The following CSMD1 variants were observed in gnomAD, a reference collection of about 807,000 sequenced individuals.
CSMD1 encodes CUB and sushi domain-containing protein 1.
In CSMD1, 213 loss-of-function variants were observed where a neutral mutation model predicts 417.5. The observed-to-expected ratio is 0.51, with a 90% CI of 0.46 to 0.57. The LOEUF is 0.57. Ranked by LOEUF, CSMD1 falls within the 20% of genes least tolerant of loss-of-function variation. The probability of loss-of-function intolerance (pLI) is 0.00; values close to 1 mark genes in which losing one functional copy is unlikely to be tolerated. For synonymous variants in CSMD1, 2,862 were observed against 1,736.8 expected, an observed-to-expected ratio of 1.65 and a Z score of -16.11; for missense variants, 6,923 against 4,529.7, an observed-to-expected ratio of 1.53 and a Z score of -15.17.
At chr8:3,626,725 T>G (rs1796508791) in intron 7 of CSMD1, among the ~76,000 whole-genome samples, 1 of 151,038 alleles carries the variant, frequency 6.6e-6, no homozygotes, top group Admixed American at 6.6e-5. Context: ...ATGTAATTTA[T>G]GGACATATTT....
intron 1 of CSMD1, among the ~76,000 whole-genome samples, chr8:4,862,986 C>G (rs1393377844): frequency 6.6e-6 from 1 of 151,964 alleles, no homozygotes; most frequent in East Asian, 1.9e-4. Context: ...AAGAGGGAAC[C>G]AGCAAATACC....
intron 49 of CSMD1, among the ~76,000 whole-genome samples, chr8:3,073,631 G>C (rs1476730851): frequency 6.6e-6 from 1 of 152,092 alleles, no homozygotes; most frequent in East Asian, 1.9e-4. Flanking sequence ...TAAAGATTAA[G>C]ATGTTTCAAT....
chr8:3,268,102 C>T (rs1470718533), intron 26 of CSMD1, among the ~76,000 whole-genome samples: 1 of 151,752 alleles, frequency 6.6e-6, no homozygotes, highest in African/African-American at 2.4e-5. Context: ...ACTCAGGGCA[C>T]AATAGGAAGA....
At position 4,822,022 on chromosome 8, in the gene CSMD1, C is replaced by T. The variant is rs117643949; in HGVS notation, c.85+172310G>A. Among the ~76,000 whole-genome samples, 509 of 152,208 alleles carry T rather than the reference C, an allele frequency of 3.3e-3. 2 individuals are homozygous for T. Among genetic ancestry groups the T allele is most frequent in the South Asian group, 5.6e-3 (27 of 4,820 alleles). On this transcript the variant is annotated intron_variant, in intron 1 of 69. Coordinates refer to ENST00000635120, the MANE Select transcript of CSMD1 (RefSeq NM_033225.6). ...GCAATGACTTCTGATGTCATCACTA[C>T]TATGGGAATTATTACATTCCCTCTT... is the stretch of plus-strand genomic sequence containing the variant.
chr8:3,123,462 C>T (rs921456366), intron 41 of CSMD1, among the ~76,000 whole-genome samples: 2 of 152,226 alleles, frequency 1.3e-5, no homozygotes, highest in African/African-American at 2.4e-5. Context: ...TGAGTTTCAA[C>T]TATCAACACA....
intron 2 of CSMD1, among the ~76,000 whole-genome samples, chr8:4,430,558 C>A (rs941764846): frequency 6.6e-6 from 1 of 152,074 alleles, no homozygotes; most frequent in Non-Finnish European, 1.5e-5. Flanking sequence ...ATAAAAGTTA[C>A]TCTGGGGAAG....
intron 3 of CSMD1, among the ~76,000 whole-genome samples, chr8:4,269,895 G>T (rs571507333): frequency 6.6e-6 from 1 of 152,134 alleles, no homozygotes. Context: ...TTATATTACA[G>T]AATTCCATTA....
intron 6 of CSMD1, among the ~76,000 whole-genome samples, chr8:3,743,633 T>A (rs1396409138): frequency 1.3e-5 from 2 of 152,114 alleles, no homozygotes; most frequent in Non-Finnish European, 2.9e-5. Flanking sequence ...TCCTTCCCCT[T>A]TTTGGTTCCT....
At chr8:4,907,051 C>T (rs567174676) in intron 1 of CSMD1, among the ~76,000 whole-genome samples, 50 of 152,154 alleles carry the variant, frequency 3.3e-4, no homozygotes, top group Non-Finnish European at 5.7e-4. Context: ...TTCAACATAA[C>T]AGTGAGAGAA....
chr8:4,178,662 G>T (rs187665784), intron 3 of CSMD1, among the ~76,000 whole-genome samples: 512 of 152,274 alleles, frequency 3.4e-3, no homozygotes, highest in Admixed American at 5.4e-3. Flanking sequence ...CAGATAATAT[G>T]ATTGTTTATC....
intron 29 of CSMD1, among the ~76,000 whole-genome samples, chr8:3,215,783 T>C (rs1243681058): frequency 6.6e-6 from 1 of 151,904 alleles, no homozygotes; most frequent in African/African-American, 2.4e-5. Flanking sequence ...TAGATAAATA[T>C]AATGGGAGAG....
At chr8:4,241,865 AAG>A (rs796836032) in intron 3 of CSMD1, among the ~76,000 whole-genome samples, 3 of 152,232 alleles carry the variant, frequency 2.0e-5, no homozygotes, top group African/African-American at 7.2e-5. Flanking sequence ...AGTGCAAAAA[AAG>A]AGAGAAAGAT....
chr8:4,384,248 C>CA lies in CSMD1; in HGVS notation c.415+35704_415+35705insT, dbSNP rs111450762. On this transcript the variant is annotated intron_variant, in intron 3 of 69. Coordinates refer to ENST00000635120, the MANE Select transcript of CSMD1 (RefSeq NM_033225.6). ...CAAGACAGAAGTGATAAATTACAGA[C>CA]TTTTTTTTTTGCCATTGCCAACATG... Among the ~76,000 whole-genome samples the CA allele has an allele frequency of 2.0e-5, 3 of 150,154 alleles. 1 individual carries two copies. The highest frequency in any genetic ancestry group is 4.4e-5 in the Non-Finnish European group (3 of 67,442).
At chr8:3,107,853 C>A (rs1321521974) in intron 44 of CSMD1, 55 bp from the exon 45 acceptor site, 2 of 1,111,112 alleles carry the variant, frequency 1.8e-6, no homozygotes, top group Non-Finnish European at 2.7e-6. Context: ...GCTGAATAAA[C>A]ACAACTATTA....
intron 3 of CSMD1, among the ~76,000 whole-genome samples, chr8:4,324,506 A>G (rs1025186170): frequency 2.6e-5 from 4 of 152,324 alleles, no homozygotes; most frequent in Middle Eastern, 3.4e-3. Context: ...AGTGCACACA[A>G]AAGAGGGTTC....
rs955338335 is a variant in CSMD1 at position 3,567,540 on chromosome 8, GAGAA to G, written c.1344+7401_1344+7404del. ...GGGGAAGGGGATGGGGGAGGGGAAA[GAGAA>G]AGGGAAGGAAAGGGAAGGGAAGGAA... On this transcript the variant is annotated intron_variant, in intron 10 of 69. Coordinates refer to ENST00000635120, the MANE Select transcript of CSMD1 (RefSeq NM_033225.6). Among the ~76,000 whole-genome samples, 183 of 150,700 alleles carry G rather than the reference GAGAA, an allele frequency of 1.2e-3. 2 individuals carry two copies. Among genetic ancestry groups the G allele is most frequent in the African/African-American group, 4.4e-3 (181 of 41,012 alleles).
At chr8:3,314,008 A>T (rs943408552) in intron 23 of CSMD1, among the ~76,000 whole-genome samples, 1 of 152,192 alleles carries the variant, frequency 6.6e-6, no homozygotes, top group Non-Finnish European at 1.5e-5. Flanking sequence ...TTCTCAGCAA[A>T]CTATCACAAG....
chr8:4,829,268 G>A (rs1800004716), intron 1 of CSMD1, among the ~76,000 whole-genome samples: 1 of 152,066 alleles, frequency 6.6e-6, no homozygotes, highest in Non-Finnish European at 1.5e-5. Flanking sequence ...TTCAGTTAGA[G>A]TTTGACAATA....
At chr8:4,730,050 T>G (rs1809741105) in intron 1 of CSMD1, among the ~76,000 whole-genome samples, 2 of 152,118 alleles carry the variant, frequency 1.3e-5, no homozygotes, top group South Asian at 2.1e-4. Context: ...TTAACTCCTC[T>G]CAGAATGGCC....
Sources: gnomAD v4.1 joint callset for allele counts (sites outside exome capture counted in the v4.1 genomes callset) on GRCh38, gnomAD v4.1.1 for gene constraint, MANE v1.5 for transcripts, NCBI Gene and HGNC (gene_info 2026-07-23, HGNC 2026-07-21) for gene names.